The following LOC128706665 variants were observed in gnomAD, a reference collection of about 807,000 sequenced individuals.
the LOC128706665 span, among the ~76,000 whole-genome samples, chr20:10,421,428 A>T: frequency 6.6e-6 from 1 of 152,056 alleles, no homozygotes; most frequent in Non-Finnish European, 1.5e-5. Flanking sequence ...AAAAAAAAAA[A>T]AAAAAAATTA....
At chr20:10,424,678 C>T in the LOC128706665 span, among the ~76,000 whole-genome samples, 3 of 152,124 alleles carry the variant, frequency 2.0e-5, no homozygotes, top group African/African-American at 7.2e-5. Context: ...AGAGCTTTTA[C>T]TTACAATCAA....
chr20:10,433,819 G>T, the LOC128706665 span, among the ~76,000 whole-genome samples: 1 of 152,182 alleles, frequency 6.6e-6, no homozygotes, highest in African/African-American at 2.4e-5. Flanking sequence ...GGCAGCGCAG[G>T]TGGGAGCGTG....
the LOC128706665 span, among the ~76,000 whole-genome samples, chr20:10,427,210 A>C: frequency 6.6e-6 from 1 of 152,218 alleles, no homozygotes; most frequent in South Asian, 2.1e-4. Flanking sequence ...TGCTTCCTGC[A>C]AAATTAGGCC....
the LOC128706665 span, among the ~76,000 whole-genome samples, chr20:10,418,355 C>A: frequency 6.6e-6 from 1 of 152,176 alleles, no homozygotes; most frequent in Non-Finnish European, 1.5e-5. Flanking sequence ...TTGATGGATA[C>A]TTGAGGGCTC....
chr20:10,433,518 T>G, the LOC128706665 span, among the ~76,000 whole-genome samples: 1 of 152,056 alleles, frequency 6.6e-6, no homozygotes, highest in Non-Finnish European at 1.5e-5. Context: ...AATGAAACCG[T>G]CATATTGAGT....
At chr20:10,413,821 G>T in the LOC128706665 span, 1 of 506,180 alleles carries the variant, frequency 2.0e-6, no homozygotes, top group African/African-American at 1.9e-5. Flanking sequence ...GTTCCAAGAT[G>T]GACACCTATG....
At chr20:10,424,137 T>C in the LOC128706665 span, among the ~76,000 whole-genome samples, 5 of 152,140 alleles carry the variant, frequency 3.3e-5, 1 homozygote, top group South Asian at 4.1e-4. Flanking sequence ...AAACAATAAG[T>C]ATCACACTGT....
the LOC128706665 span, among the ~76,000 whole-genome samples, chr20:10,425,198 T>A: frequency 6.6e-6 from 1 of 152,344 alleles, no homozygotes; most frequent in South Asian, 2.1e-4. Context: ...AAAAATGTGA[T>A]CATGATACAC....
chr20:10,430,373 T>C, the LOC128706665 span, among the ~76,000 whole-genome samples: 1 of 152,324 alleles, frequency 6.6e-6, no homozygotes, highest in Admixed American at 6.5e-5. Flanking sequence ...ATGTGAATAA[T>C]AACATCCATA....
the LOC128706665 span, among the ~76,000 whole-genome samples, chr20:10,426,549 G>A: frequency 9.2e-5 from 14 of 152,110 alleles, no homozygotes; most frequent in African/African-American, 3.1e-4. Context: ...ACAGGCCCAC[G>A]CCACCATGCC....
the LOC128706665 span, among the ~76,000 whole-genome samples, chr20:10,429,478 G>A: frequency 6.6e-6 from 1 of 152,140 alleles, no homozygotes; most frequent in Non-Finnish European, 1.5e-5. Context: ...ATAATAAACT[G>A]CTACTGTACA....
At chr20:10,429,525 C>G in the LOC128706665 span, among the ~76,000 whole-genome samples, 1 of 152,042 alleles carries the variant, frequency 6.6e-6, no homozygotes, top group Non-Finnish European at 1.5e-5. Flanking sequence ...AGTCTCAATT[C>G]ATCTCATATA....
At chr20:10,413,913 T>C in the LOC128706665 span, 11 of 416,266 alleles carry the variant, frequency 2.6e-5, no homozygotes, top group Admixed American at 4.0e-5. Flanking sequence ...GAAGCTCAGA[T>C]TCAAAGCTGC....
the LOC128706665 span, among the ~76,000 whole-genome samples, chr20:10,417,894 G>A: frequency 6.6e-6 from 1 of 152,172 alleles, no homozygotes; most frequent in Non-Finnish European, 1.5e-5. Context: ...GAAGCAATCA[G>A]CCAAACTGAG....
the LOC128706665 span, among the ~76,000 whole-genome samples, chr20:10,428,995 C>G: frequency 6.6e-6 from 1 of 152,154 alleles, no homozygotes; most frequent in Admixed American, 6.5e-5. Context: ...CTCTTAAGGG[C>G]CTTTCTCTTT....
At chr20:10,431,945 G>A in the LOC128706665 span, 1 of 120,878 alleles carries the variant, frequency 8.3e-6, no homozygotes. Flanking sequence ...TTATTCTCTA[G>A]CACGTGATTC....
the LOC128706665 span, among the ~76,000 whole-genome samples, chr20:10,419,822 G>A: frequency 6.6e-6 from 1 of 152,108 alleles, no homozygotes; most frequent in African/African-American, 2.4e-5. Context: ...TCAGAAAGGT[G>A]CATAATTTAA....
At chr20:10,423,411 G>A in the LOC128706665 span, among the ~76,000 whole-genome samples, 4 of 151,980 alleles carry the variant, frequency 2.6e-5, no homozygotes, top group East Asian at 3.9e-4. Flanking sequence ...GATGAAATGC[G>A]ATCGTTTCAA....
the LOC128706665 span, among the ~76,000 whole-genome samples, chr20:10,426,929 G>A: frequency 2.6e-5 from 4 of 152,066 alleles, no homozygotes; most frequent in African/African-American, 7.2e-5. Context: ...ATGACAGCAA[G>A]AGATTAATGA....
Sources: gnomAD v4.1 joint callset for allele counts (sites outside exome capture counted in the v4.1 genomes callset) on GRCh38, gnomAD v4.1.1 for gene constraint, MANE v1.5 for transcripts.